Variants in DLGAP5 observed in about 807,000 individuals in gnomAD.
The protein encoded by DLGAP5 is disks large-associated protein 5.
DLGAP5 carries 90 observed loss-of-function variants against 99.6 expected under a neutral mutation model. The observed-to-expected ratio is 0.90, with a 90% CI of 0.76 to 1.08. The LOEUF (loss-of-function observed/expected upper bound fraction) is 1.08. DLGAP5 is among the 50% of genes least tolerant of loss of function. DLGAP5 has a pLI of 0.00. For synonymous variants in DLGAP5, 311 were observed against 321.3 expected (o/e 0.97, Z 0.34); for missense variants, 1,036 against 983.5 (o/e 1.05, Z -0.71).
intron 7 of DLGAP5, among the ~76,000 whole-genome samples, 169 bp from the exon 8 acceptor site, chr14:55,177,505 T>C (rs1883117322): frequency 6.6e-6 from 1 of 151,774 alleles, no homozygotes; most frequent in South Asian, 2.1e-4. Context: ...GAAGACCAGT[T>C]ACGCTAAATC....
At chr14:55,171,463 T>C (rs923426203) in intron 10 of DLGAP5, among the ~76,000 whole-genome samples, 8 of 152,204 alleles carry the variant, frequency 5.3e-5, no homozygotes, top group Non-Finnish European at 1.0e-4. Context: ...TTAATTTGTG[T>C]CTATGGAAAA....
intron 18 of DLGAP5, among the ~76,000 whole-genome samples, chr14:55,149,818 G>A (rs187256524): frequency 3.5e-5 from 1 of 28,590 alleles, no homozygotes; most frequent in Admixed American, 2.5e-4. Flanking sequence ...ATCGGGGCGG[G>A]GGGGGGGCAT....
At chr14:55,176,846 C>T (rs574350525) in intron 8 of DLGAP5, among the ~76,000 whole-genome samples, 5 of 151,742 alleles carry the variant, frequency 3.3e-5, no homozygotes, top group East Asian at 1.9e-4. Flanking sequence ...GGCGTGGTGA[C>T]GGGCGCCTGT....
chr14:55,159,635 T>C (rs7151339), intron 13 of DLGAP5, among the ~76,000 whole-genome samples: 10,154 of 152,138 alleles, frequency 0.067, 889 homozygotes, highest in African/African-American at 0.19. Context: ...CAGGGCAACA[T>C]TGGTGTGTGT....
At chr14:55,163,206 A>T in intron 12 of DLGAP5, 131 bp from the exon 13 acceptor site, 1 of 449,314 alleles carries the variant, frequency 2.2e-6, no homozygotes, top group Non-Finnish European at 3.8e-6. Flanking sequence ...GGACTGAGTC[A>T]TTCTCAATTT....
At chr14:55,167,424 C>T (rs1398391013) in intron 12 of DLGAP5, among the ~76,000 whole-genome samples, 2 of 152,080 alleles carry the variant, frequency 1.3e-5, no homozygotes, top group Non-Finnish European at 2.9e-5. Flanking sequence ...TAAAGTAATG[C>T]TTAATTATGA....
chr14:55,157,962 T>C (rs1408266417), intron 14 of DLGAP5, among the ~76,000 whole-genome samples: 1 of 152,138 alleles, frequency 6.6e-6, no homozygotes, highest in South Asian at 2.1e-4. Context: ...GGGATCTCAC[T>C]AAATTGCCCA....
intron 9 of DLGAP5, 122 bp from the exon 10 acceptor site, chr14:55,175,594 C>T: frequency 4.2e-6 from 3 of 706,416 alleles, no homozygotes; most frequent in Non-Finnish European, 4.6e-6. Context: ...ATTTCTGCCT[C>T]AATCACTTCA....
At chr14:55,171,812 A>G (rs1356693236) in intron 10 of DLGAP5, among the ~76,000 whole-genome samples, 2 of 152,250 alleles carry the variant, frequency 1.3e-5, no homozygotes, top group Admixed American at 1.3e-4. Flanking sequence ...CACATGCTAC[A>G]ATGAATGAAC....
At chr14:55,162,906 G>T (rs1014594599) in intron 13 of DLGAP5, 65 bp downstream of exon 13, 2 of 638,972 alleles carry the variant, frequency 3.1e-6, no homozygotes, top group African/African-American at 1.9e-5. Flanking sequence ...TTAGAAATTT[G>T]GATGTATGTA....
intron 13 of DLGAP5, among the ~76,000 whole-genome samples, chr14:55,160,279 C>T (rs1882371459): frequency 6.6e-6 from 1 of 151,370 alleles, no homozygotes; most frequent in African/African-American, 2.4e-5. Context: ...CCTGTAATCC[C>T]AGCTACTTGG....
At chr14:55,173,694 T>C (rs537819585) in intron 10 of DLGAP5, among the ~76,000 whole-genome samples, 1 of 152,138 alleles carries the variant, frequency 6.6e-6, no homozygotes, top group Non-Finnish European at 1.5e-5. Flanking sequence ...TTATGAAGAT[T>C]TCATGGACAT....
chr14:55,167,929 G>C (rs74641793), intron 12 of DLGAP5, among the ~76,000 whole-genome samples: 1 of 152,280 alleles, frequency 6.6e-6, no homozygotes, highest in South Asian at 2.1e-4. Context: ...GTAAGTTGCT[G>C]TGGGTCTACT....
intron 7 of DLGAP5, among the ~76,000 whole-genome samples, chr14:55,178,226 T>C (rs148976455): frequency 0.018 from 2,795 of 152,080 alleles, 77 homozygotes; most frequent in African/African-American, 0.06. Context: ...CACTTCAGCC[T>C]GGGCGACAGA....
In DLGAP5 at chr14:55,175,335, C is replaced by G. The variant is rs756992458; in HGVS notation, c.1301+11G>C. The G allele has an allele frequency of 1.2e-6, 2 of 1,605,448 alleles. No homozygotes were observed. Among genetic ancestry groups the G allele is most frequent in the Non-Finnish European group, 8.5e-7 (1 of 1,177,478 alleles). On this transcript the variant is annotated intron_variant, in intron 10 of 18. Transcript: ENST00000247191. ...ATACAAAATTCTTACACTAGAAACACACAGACATACCTGAAATATGGCACA... is the reference window on the plus strand; with the variant it reads ...ATACAAAATTCTTACACTAGAAACAGACAGACATACCTGAAATATGGCACA...
chr14:55,159,053 C>G (rs375269221), intron 13 of DLGAP5, among the ~76,000 whole-genome samples: 3 of 144,404 alleles, frequency 2.1e-5, no homozygotes, highest in African/African-American at 7.9e-5. Flanking sequence ...ACCCCCCCCC[C>G]ATAAAAAAGA....
At position 55,148,256 on chromosome 14, in the gene DLGAP5, G is replaced by C; in HGVS notation, c.*95C>G. On this transcript the variant is annotated 3_prime_UTR_variant, in exon 19 of 19. Transcript: ENST00000247191. ...TATTAAAACATTATATGCTATAGAA[G>C]TGAACACAAATACATTTTCTCCAAA... 7.8e-7 allele frequency: 1 copy of C among 1,274,372 alleles called. No individual in the cohort carries two copies. The highest frequency in any genetic ancestry group is 1.4e-5 in the South Asian group (1 of 71,354). The allele number at this position is 1,274,372 out of a possible 1,614,324, so 78.9% of individuals were successfully genotyped here.
At chr14:55,151,370 T>G (rs1233499938) in intron 17 of DLGAP5, among the ~76,000 whole-genome samples, 1 of 152,042 alleles carries the variant, frequency 6.6e-6, no homozygotes, top group East Asian at 1.9e-4. Flanking sequence ...CTGGCCAATG[T>G]GGTGAAACTC....
chr14:55,154,519 T>TA, intron 15 of DLGAP5, 98 bp downstream of exon 15: 1 of 1,010,008 alleles, frequency 9.9e-7, no homozygotes, highest in Non-Finnish European at 1.5e-6. Context: ...TGAAATTTAT[T>TA]AAAAATATAT....
Sources: gnomAD v4.1 joint callset for allele counts (sites outside exome capture counted in the v4.1 genomes callset) on GRCh38, gnomAD v4.1.1 for gene constraint, MANE v1.5 for transcripts, NCBI Gene and HGNC (gene_info 2026-07-23, HGNC 2026-07-21) for gene names.